The following SEMA3E variants were observed in gnomAD, a reference collection of about 807,000 sequenced individuals.
SEMA3E encodes the protein semaphorin 3E, also known as semaphorin-3E.
A neutral mutation model predicts 93.6 loss-of-function variants in SEMA3E; 49 were observed. The ratio of observed to expected loss-of-function variants is 0.52; its 90% CI spans 0.42 to 0.66. SEMA3E has a LOEUF of 0.66. SEMA3E is among the 30% of genes least tolerant of loss of function. SEMA3E has a pLI of 0.00. For missense variants in SEMA3E, 906 were observed against 964.8 expected, an observed-to-expected ratio of 0.94 and a Z score of 0.81; for synonymous variants, 363 against 330.7, an observed-to-expected ratio of 1.10 and a Z score of -1.06.
chr7:83,532,096 A>G (rs955023637), intron 1 of SEMA3E, among the ~76,000 whole-genome samples: 10 of 152,186 alleles, frequency 6.6e-5, no homozygotes, highest in African/African-American at 2.2e-4. Flanking sequence ...AGATAGTTCA[A>G]TGCAAAAATT....
At chr7:83,455,277 T>C (rs1192588078) in intron 4 of SEMA3E, among the ~76,000 whole-genome samples, 1 of 152,140 alleles carries the variant, frequency 6.6e-6, no homozygotes, top group East Asian at 1.9e-4. Flanking sequence ...TCAAGGACAA[T>C]CAAATTTTCC....
intron 1 of SEMA3E, among the ~76,000 whole-genome samples, chr7:83,616,917 G>C (rs1470839164): frequency 6.6e-6 from 1 of 151,940 alleles, no homozygotes; most frequent in African/African-American, 2.4e-5. Context: ...TAGAGACGGG[G>C]TTTCACCACG....
intron 1 of SEMA3E, among the ~76,000 whole-genome samples, chr7:83,602,729 G>A (rs1167545996): frequency 6.6e-6 from 1 of 152,100 alleles, no homozygotes; most frequent in Non-Finnish European, 1.5e-5. Context: ...GCCCGCCTCA[G>A]CCTCCCAAAG....
intron 1 of SEMA3E, among the ~76,000 whole-genome samples, chr7:83,527,882 G>A (rs1791194103): frequency 6.6e-6 from 1 of 151,818 alleles, no homozygotes; most frequent in South Asian, 2.1e-4. Context: ...TTTAAAACCT[G>A]TTTTCTGCCT....
intron 1 of SEMA3E, among the ~76,000 whole-genome samples, chr7:83,627,421 T>A (rs1232274770): frequency 6.6e-6 from 1 of 151,906 alleles, no homozygotes; most frequent in Non-Finnish European, 1.5e-5. Context: ...GGATAGTTAG[T>A]GAATCTGGGT....
At chr7:83,378,270 A>G (rs1787697033) in intron 16 of SEMA3E, among the ~76,000 whole-genome samples, 1 of 151,884 alleles carries the variant, frequency 6.6e-6, no homozygotes, top group Admixed American at 6.6e-5. Flanking sequence ...CCTAATTCAG[A>G]GAGTGAAGAG....
intron 1 of SEMA3E, among the ~76,000 whole-genome samples, chr7:83,521,888 T>C (rs912667555): frequency 6.6e-6 from 1 of 152,126 alleles, no homozygotes; most frequent in Non-Finnish European, 1.5e-5. Flanking sequence ...TATATGAATT[T>C]TAAGAAGACT....
chr7:83,608,309 G>C (rs1562853213), intron 1 of SEMA3E, among the ~76,000 whole-genome samples: 1 of 151,982 alleles, frequency 6.6e-6, no homozygotes, highest in Non-Finnish European at 1.5e-5. Flanking sequence ...AGAGATTATT[G>C]CATTTGTCCA....
chr7:83,508,498 G>T (rs1383989775), intron 1 of SEMA3E, among the ~76,000 whole-genome samples: 1 of 152,030 alleles, frequency 6.6e-6, no homozygotes, highest in Non-Finnish European at 1.5e-5. Flanking sequence ...CCAACCTCAG[G>T]TGATCTGCCC....
intron 1 of SEMA3E, among the ~76,000 whole-genome samples, chr7:83,637,843 G>T: frequency 7.2e-6 from 1 of 139,848 alleles, no homozygotes; most frequent in African/African-American, 2.7e-5. Flanking sequence ...GTATATTTTA[G>T]AAAGAGGAGA....
At chr7:83,475,649 CTG>C (rs10591677) in intron 2 of SEMA3E, among the ~76,000 whole-genome samples, 86,253 of 151,676 alleles carry the variant, frequency 0.57, 25,534 homozygotes, top group African/African-American at 0.73. Context: ...TTGCTGCCTG[CTG>C]TGTGCCATGA....
intron 6 of SEMA3E, 151 bp downstream of exon 6, chr7:83,408,217 T>G: frequency 1.2e-6 from 1 of 843,582 alleles, no homozygotes; most frequent in Non-Finnish European, 1.9e-6. Context: ...TTATATACAA[T>G]ATTTTAATTC....
chr7:83,437,122 A>T (rs1346304218), intron 4 of SEMA3E, among the ~76,000 whole-genome samples: 1 of 152,170 alleles, frequency 6.6e-6, no homozygotes, highest in Non-Finnish European at 1.5e-5. Flanking sequence ...GGAATTCAAG[A>T]TGAGATTTGG....
chr7:83,485,349 T>A (rs1408926922), intron 2 of SEMA3E, among the ~76,000 whole-genome samples: 1 of 152,216 alleles, frequency 6.6e-6, no homozygotes, highest in Non-Finnish European at 1.5e-5. Flanking sequence ...CAAAGAGGAA[T>A]AATATTTATC....
intron 2 of SEMA3E, among the ~76,000 whole-genome samples, chr7:83,485,371 A>G (rs552903080): frequency 6.6e-6 from 1 of 152,308 alleles, no homozygotes; most frequent in Non-Finnish European, 1.5e-5. Context: ...TTTTACAAAT[A>G]AAGAAATAGG....
intron 1 of SEMA3E, among the ~76,000 whole-genome samples, chr7:83,581,552 C>T (rs540267686): frequency 1.2e-4 from 18 of 152,054 alleles, no homozygotes; most frequent in Non-Finnish European, 1.9e-4. Flanking sequence ...CATTTTTAAA[C>T]TACTATTTGT....
At chr7:83,580,830 C>T (rs1475520797) in intron 1 of SEMA3E, among the ~76,000 whole-genome samples, 2 of 151,816 alleles carry the variant, frequency 1.3e-5, no homozygotes, top group East Asian at 1.9e-4. Flanking sequence ...ATATAAGGCA[C>T]TAAATGCTGT....
chr7:83,563,476 G>C (rs215275), intron 1 of SEMA3E, among the ~76,000 whole-genome samples: 21,914 of 152,048 alleles, frequency 0.14, 1,782 homozygotes, highest in East Asian at 0.2. Flanking sequence ...GGTGGTCTCT[G>C]GACCAGCAAC....
chr7:83,517,399 A>G (rs1790952650), intron 1 of SEMA3E, among the ~76,000 whole-genome samples: 2 of 152,212 alleles, frequency 1.3e-5, no homozygotes, highest in African/African-American at 4.8e-5. Flanking sequence ...TAGGAGAAGA[A>G]AAGGTATTCA....
Sources: gnomAD v4.1 joint callset for allele counts (sites outside exome capture counted in the v4.1 genomes callset) on GRCh38, gnomAD v4.1.1 for gene constraint, MANE v1.5 for transcripts, NCBI Gene and HGNC (gene_info 2026-07-23, HGNC 2026-07-21) for gene names.